Variants in KPTN observed in about 807,000 individuals in gnomAD.
KPTN encodes the protein kaptin, actin binding protein.
KPTN carries 36 observed loss-of-function variants against 52.6 expected under a neutral mutation model. The observed-to-expected ratio is 0.68, with a 90% CI of 0.52 to 0.90. KPTN has a LOEUF of 0.90. KPTN is among the 40% of genes least tolerant of loss of function. KPTN has a pLI of 0.00. For synonymous variants in KPTN, 271 were observed against 248.4 expected, an observed-to-expected ratio of 1.09 and a Z score of -0.85; for missense variants, 529 against 576.2, an observed-to-expected ratio of 0.92 and a Z score of 0.84.
At chr19:47,481,077 T>G (rs772091779) in intron 4 of KPTN, 44 bp from the exon 5 acceptor site, 4 of 1,484,754 alleles carry the variant, frequency 2.7e-6, no homozygotes, top group African/African-American at 2.8e-5. Flanking sequence ...GGAATCCACA[T>G]GGTCTGAGAA....
upstream of KPTN, chr19:47,484,296 C>G: frequency 8.4e-7 from 1 of 1,186,548 alleles, no homozygotes; most frequent in East Asian, 2.6e-5. Flanking sequence ...GCCGGCGTTG[C>G]CCTCTCCCAA....
At chr19:47,476,462 G>A in intron 11 of KPTN, 70 bp downstream of exon 11, 6 of 1,349,636 alleles carry the variant, frequency 4.4e-6, no homozygotes, top group East Asian at 2.4e-5. Context: ...CCTCCCCCAG[G>A]AGGAGGCCTG....
intron 8 of KPTN, 144 bp downstream of exon 8, chr19:47,479,719 T>C: frequency 1.5e-6 from 1 of 658,258 alleles, no homozygotes; most frequent in East Asian, 2.7e-5. Context: ...GCTCAAGGCC[T>C]GGAGTGGGGG....
chr19:47,482,120 ACT>A lies in KPTN; in HGVS notation c.449+1039_449+1040del, dbSNP rs1049566994. Among the ~76,000 whole-genome samples the A allele has an allele frequency of 7.2e-5, 11 of 152,082 alleles. 1 individual carries two copies. Among genetic ancestry groups the A allele is most frequent in the Admixed American group, 4.6e-4 (7 of 15,270 alleles). ...CCCAGAATTCACAGGTGCTCCATCA[ACT>A]CTCTCAGATTATCTAGTTCAGGAAT... On this transcript the variant is annotated intron_variant, in intron 4 of 11. Transcript: ENST00000338134.
chr19:47,475,893 G>A (rs1310894895), intron 11 of KPTN, among the ~76,000 whole-genome samples: 1 of 151,820 alleles, frequency 6.6e-6, no homozygotes. Flanking sequence ...CCTGGAAGGT[G>A]GAGGTTGCAG....
At chr19:47,480,005 ATCGACTTTCC>A in intron 7 of KPTN, 65 bp from the exon 8 acceptor site, 1 of 1,132,690 alleles carries the variant, frequency 8.8e-7, no homozygotes, top group Non-Finnish European at 1.2e-6. Context: ...CCCTGAAACC[ATCGACTTTCC>A]GCCCCCACCG....
Position 47,477,701 on chromosome 19 carries a change from C to T in KPTN, c.863+5G>A, listed in dbSNP as rs774473819. 5 of 1,611,110 alleles carry T rather than the reference C, an allele frequency of 3.1e-6. No homozygotes were observed. Among genetic ancestry groups the T allele is most frequent in the East Asian group, 2.2e-5 (1 of 44,860 alleles). On this transcript the variant is annotated splice_donor_5th_base_variant and intron_variant, in intron 9 of 11. Coordinates refer to ENST00000338134, the MANE Select transcript of KPTN (RefSeq NM_007059.4). ...ACCACACCCATGTGTCTCAGGCCCC[C>T]TCACCGATACACCACTGCTGGCTCC...
intron 8 of KPTN, among the ~76,000 whole-genome samples, chr19:47,478,599 C>T (rs2122683938): frequency 1.2e-5 from 1 of 84,620 alleles, no homozygotes; most frequent in African/African-American, 3.7e-5. Context: ...GACATTTGTG[C>T]ATGTATGTTT....
chr19:47,479,691 G>A (rs543481379), intron 8 of KPTN, among the ~76,000 whole-genome samples, 172 bp downstream of exon 8: 2 of 152,192 alleles, frequency 1.3e-5, no homozygotes, highest in East Asian at 1.9e-4. Flanking sequence ...GGGGAGGGGA[G>A]GGAAGAGGTG....
Position 47,484,218 on chromosome 19 carries a change from A to T in KPTN, c.-58T>A, listed in dbSNP as rs1328987769. 4 of 1,525,680 alleles carry T rather than the reference A, an allele frequency of 2.6e-6. No homozygotes were observed. In the African/African-American group the frequency reaches 5.5e-5, roughly 21 times the overall value. 94.5% of individuals were successfully genotyped at this position (1,525,680 alleles called of 1,614,324 possible). A position where few individuals can be genotyped will look rare whatever the true frequency, so the allele number is the denominator to read the frequency against. ...CGCCCCAACCCGCACTACCCAACCT[A>T]CGACTCTCTAAGCGACCTGAACCGC... On this transcript the variant is annotated 5_prime_UTR_variant, in exon 1 of 12. Transcript: ENST00000338134.
intron 8 of KPTN, among the ~76,000 whole-genome samples, chr19:47,478,947 T>C (rs1225798144): frequency 5.3e-5 from 8 of 152,246 alleles, no homozygotes. Flanking sequence ...CAACGGACAC[T>C]AGCTGGGTGA....
At chr19:47,480,015 CG>C in intron 7 of KPTN, 75 bp from the exon 8 acceptor site, 2 of 1,259,676 alleles carry the variant, frequency 1.6e-6, no homozygotes, top group Non-Finnish European at 1.1e-6. Context: ...ATCGACTTTC[CG>C]CCCCCACCGT....
At chr19:47,476,249 C>T in intron 11 of KPTN, 2 of 224,170 alleles carry the variant, frequency 8.9e-6, no homozygotes, top group Non-Finnish European at 1.7e-5. Flanking sequence ...GTGGAGGTTG[C>T]AGTGAGCTGA....
chr19:47,485,139 C>CT, upstream of KPTN, among the ~76,000 whole-genome samples: 1 of 152,304 alleles, frequency 6.6e-6, no homozygotes, highest in East Asian at 1.9e-4. Flanking sequence ...CTCTGATAAT[C>CT]TGATTCCTTA....
At chr19:47,480,558 G>A (rs1014000729) in intron 6 of KPTN, 151 bp from the exon 7 acceptor site, 5 of 734,370 alleles carry the variant, frequency 6.8e-6, no homozygotes, top group Admixed American at 5.1e-5. Context: ...ATTCCTCTGA[G>A]GTCAATTCTC....
Position 47,483,583 on chromosome 19 carries a change from C to A in KPTN, c.228G>T (p.Val76=). 1 of 1,553,960 alleles carries A rather than the reference C, an allele frequency of 6.4e-7. No homozygotes were observed. Among genetic ancestry groups the A allele is most frequent in the Non-Finnish European group, 8.7e-7 (1 of 1,147,486 alleles). Reference sequence around the variant, plus strand: ...TGTCGATGGAGACAATCTCCGCATCCACTGGGAGGGGAGAGTTCTAAGTTC... The same window carrying A: ...TGTCGATGGAGACAATCTCCGCATCAACTGGGAGGGGAGAGTTCTAAGTTC... ...AKELQFNYIP[V]DAEIVSIDTF... Residue 76 remains valine, a splice_region_variant and synonymous_variant, in exon 2 of 12, where the codon GTG becomes GTT. Coordinates refer to ENST00000338134, the MANE Select transcript of KPTN (RefSeq NM_007059.4).
chr19:47,476,859 C>T lies in KPTN; in HGVS notation c.943G>A (p.Val315Ile). The stretch of plus-strand genomic sequence containing the variant: ...CGCCCATCCAAATCCACATCGGTGA[C>T]CAGGCTGCAGAGGACGCTGTCAAAC... ...DQFDSVLCSLVTDVDLDGRPE... is the reference protein window; with the variant it reads ...DQFDSVLCSLITDVDLDGRPE... Residue 315 changes from valine (V) to isoleucine (I), a missense_variant, in exon 10 of 12, where the codon GTC becomes ATC. Transcript: ENST00000338134. 1 of 1,574,396 alleles carries T rather than the reference C, an allele frequency of 6.4e-7. No homozygotes were observed. The highest frequency in any genetic ancestry group is 1.2e-5 in the South Asian group (1 of 85,984).
chr19:47,483,341 G>A lies in KPTN; in HGVS notation c.348C>T (p.Tyr116=). The part of the protein sequence containing the change: ...GDKGSPFLNI[Y]CDYEPGSEYN... The stretch of plus-strand genomic sequence containing the variant: ...ACTCAGAGCCGGGCTCGTAGTCGCA[G>A]TAAATGTTCAGGAAGGGGCTGCCCT... The change falls in exon 3 of 12, where the codon TAC becomes TAT. Residue 116 remains tyrosine, a synonymous_variant. Coordinates refer to ENST00000338134, the MANE Select transcript of KPTN (RefSeq NM_007059.4). The A allele has an allele frequency of 6.2e-7, 1 of 1,614,068 alleles. No homozygotes were observed. Among genetic ancestry groups the A allele is most frequent in the Non-Finnish European group, 8.5e-7 (1 of 1,180,030 alleles).
intron 11 of KPTN, chr19:47,476,164 T>C (rs1398359809): frequency 6.4e-6 from 1 of 155,290 alleles, no homozygotes; most frequent in Non-Finnish European, 1.4e-5. Context: ...AAAAATTAGC[T>C]GGGCGTGGTG....
Sources: allele counts gnomAD v4.1 joint callset (sites outside exome capture counted in the v4.1 genomes callset), GRCh38; gene constraint gnomAD v4.1.1; transcripts MANE v1.5; gene names NCBI Gene and HGNC (gene_info 2026-07-23, HGNC 2026-07-21).